Variants in SLC19A1 observed in about 807,000 individuals in gnomAD.
SLC19A1 encodes reduced folate transporter.
In SLC19A1, 37 loss-of-function variants were observed where a neutral mutation model predicts 35.3. The ratio of observed to expected loss-of-function variants is 1.05; its 90% CI spans 0.81 to 1.38. SLC19A1 has a LOEUF of 1.38. SLC19A1 is among the 40% of genes most tolerant of loss of function. The pLI is 0.00. For missense variants in SLC19A1, 831 were observed against 826.9 expected (o/e 1.00, Z -0.06); for synonymous variants, 460 against 398.5 (o/e 1.15, Z -1.84).
downstream of SLC19A1, chr21:45,509,494 G>A (rs751583897): frequency 1.6e-5 from 24 of 1,526,750 alleles, no homozygotes; most frequent in African/African-American, 1.1e-4. Flanking sequence ...TCGCCTGCCC[G>A]AGCCCCAGCC....
At chr21:45,507,585 C>G, downstream of SLC19A1, 4 of 1,613,048 alleles carry the variant, frequency 2.5e-6, no homozygotes, top group Non-Finnish European at 3.4e-6. Context: ...ACCACTCCCA[C>G]GAGGGACGGT....
At chr21:45,509,672 C>T, downstream of SLC19A1, 3 of 872,928 alleles carry the variant, frequency 3.4e-6, no homozygotes, top group Non-Finnish European at 5.5e-6. Flanking sequence ...GAGGGCCCAG[C>T]CCCTGCAGAG....
Position 45,532,097 on chromosome 21 carries a change from C to T in SLC19A1, c.241G>A (p.Val81Met), listed in dbSNP as rs764371313. The change falls in exon 3 of 6, where the codon GTG becomes ATG. Residue 81 changes from valine (V) to methionine (M), a missense_variant. Coordinates refer to ENST00000311124, the MANE Select transcript of SLC19A1 (RefSeq NM_194255.4). ...VLSYSYLAVL[V>M]PVFLLTDYLR... is the part of the protein sequence containing the mutation. The stretch of plus-strand genomic sequence containing the variant: ...TAGTCGGTGAGCAGGAACACGGGCA[C>T]CAGCACGGCCAGGTAGGAGTACGAC... 5 of 1,611,670 alleles carry T rather than the reference C, an allele frequency of 3.1e-6. No homozygotes were observed. Among genetic ancestry groups the T allele is most frequent in the Non-Finnish European group, 4.2e-6 (5 of 1,178,994 alleles).
chr21:45,545,985 C>A (rs566835320), upstream of SLC19A1, among the ~76,000 whole-genome samples: 246 of 152,348 alleles, frequency 1.6e-3, no homozygotes, highest in Non-Finnish European at 2.8e-3. Flanking sequence ...CAGGCCTTCG[C>A]CCCCACTTTT....
In SLC19A1 at chr21:45,514,969, C is replaced by G; in HGVS notation, c.*689G>C. 1.3e-6 allele frequency: 2 copies of G among 1,488,854 alleles called. No homozygotes were observed. The highest frequency in any genetic ancestry group is 1.8e-6 in the Non-Finnish European group (2 of 1,122,978). 92.2% of individuals were successfully genotyped at this position (1,488,854 alleles called of 1,614,324 possible). A position where few individuals can be genotyped will look rare whatever the true frequency, so the allele number is the denominator to read the frequency against. ...CACAAGTGTGGGAGCAGCTGAGGAC[C>G]CGCAGGTCAGGATGGACACACTTCA... is the stretch of plus-strand genomic sequence containing the variant. On this transcript the variant is annotated 3_prime_UTR_variant, in exon 6 of 6. Coordinates refer to ENST00000311124, the MANE Select transcript of SLC19A1 (RefSeq NM_194255.4).
At chr21:45,545,339 C>T (rs1337564614), upstream of SLC19A1, among the ~76,000 whole-genome samples, 1 of 152,100 alleles carries the variant, frequency 6.6e-6, no homozygotes, top group Non-Finnish European at 1.5e-5. Context: ...TCAGTTAGCT[C>T]ACTCAAGAGC....
intron 5 of SLC19A1, among the ~76,000 whole-genome samples, chr21:45,520,105 T>C (rs2077393785): frequency 6.6e-6 from 1 of 152,032 alleles, no homozygotes; most frequent in Non-Finnish European, 1.5e-5. Flanking sequence ...TTTGAAATAA[T>C]GATGCATCAA....
chr21:45,512,239 CGA>C (rs1568957153), downstream of SLC19A1: 1 of 1,612,568 alleles, frequency 6.2e-7, no homozygotes, highest in Non-Finnish European at 8.5e-7. Context: ...GCAGGCTGAC[CGA>C]GAGCTACTGT....
At chr21:45,505,086 G>A (rs931937210) in intron 3 of SLC19A1, 11 of 1,592,048 alleles carry the variant, frequency 6.9e-6, no homozygotes, top group East Asian at 2.3e-5. Context: ...CCCGCCCCCA[G>A]TCCAGGGCAC....
chr21:45,504,198 G>T lies in SLC19A1; in HGVS notation c.498-5586C>A. 9.7e-7 allele frequency: 1 copy of T among 1,025,904 alleles called. No individual in the cohort carries two copies. Among genetic ancestry groups the T allele is most frequent in the Non-Finnish European group, 1.5e-6 (1 of 665,620 alleles). 63.6% of individuals were successfully genotyped at this position (1,025,904 alleles called of 1,614,324 possible). ...GGCGCTGGCTCCAGAGGGTGTCGAG[G>T]GCGTCCCTCAGGATGTTCCTGTCCC... On this transcript the variant is annotated intron_variant, in intron 3 of 4. Coordinates refer to the SLC19A1 transcript ENST00000417954.
At chr21:45,507,644 GGTA>G (rs1568947383), downstream of SLC19A1, 13 of 1,541,610 alleles carry the variant, frequency 8.4e-6, no homozygotes, top group Non-Finnish European at 1.2e-5. Flanking sequence ...GACATGAGGG[GGTA>G]TGTGCTGTCC....
At chr21:45,557,448 A>G (rs1026778630) in intron 1 of SLC19A1, among the ~76,000 whole-genome samples, 2 of 152,082 alleles carry the variant, frequency 1.3e-5, no homozygotes, top group Non-Finnish European at 2.9e-5. Flanking sequence ...GGTCCTGCAC[A>G]CCTTGCTGGT....
chr21:45,552,412 G>A (rs943146043), intron 1 of SLC19A1, among the ~76,000 whole-genome samples: 2 of 152,134 alleles, frequency 1.3e-5, no homozygotes, highest in South Asian at 2.1e-4. Flanking sequence ...AGGCAGTGTG[G>A]ACATCGGTGG....
chr21:45,504,255 A>G, intron 3 of SLC19A1: 1 of 874,402 alleles, frequency 1.1e-6, no homozygotes, highest in Non-Finnish European at 1.8e-6. Context: ...CGGCTGATGC[A>G]GTGGGAGGTG....
chr21:45,507,738 T>A (rs1318811642), downstream of SLC19A1: 7 of 793,788 alleles, frequency 8.8e-6, no homozygotes, highest in Admixed American at 2.0e-5. Context: ...CTGCAGAAAC[T>A]GGTGCAGGAC....
chr21:45,554,836 T>C (rs1386958535), intron 1 of SLC19A1, among the ~76,000 whole-genome samples: 2 of 151,872 alleles, frequency 1.3e-5, no homozygotes, highest in African/African-American at 4.8e-5. Flanking sequence ...CCCATCTTAT[T>C]TGCTTTTAAC....
intron 1 of SLC19A1, among the ~76,000 whole-genome samples, chr21:45,561,641 G>A (rs1185191336): frequency 2.0e-5 from 3 of 151,876 alleles, no homozygotes; most frequent in African/African-American, 7.3e-5. Flanking sequence ...TGCACCTGTA[G>A]TCCCAGCTAT....
downstream of SLC19A1, chr21:45,510,303 C>A: frequency 6.4e-7 from 1 of 1,553,918 alleles, no homozygotes; most frequent in African/African-American, 1.4e-5. Flanking sequence ...CCTCGGCCCC[C>A]ACTTGACCTC....
chr21:45,537,267 G>A (rs1028692630), intron 2 of SLC19A1, among the ~76,000 whole-genome samples: 7 of 152,136 alleles, frequency 4.6e-5, no homozygotes, highest in African/African-American at 1.4e-4. Flanking sequence ...GATGGTGCCC[G>A]CTGCTGGGAG....
Sources: gnomAD v4.1 joint callset for allele counts (sites outside exome capture counted in the v4.1 genomes callset) on GRCh38, gnomAD v4.1.1 for gene constraint, MANE v1.5 for transcripts, NCBI Gene and HGNC (gene_info 2026-07-23, HGNC 2026-07-21) for gene names.